The following CREBBP variants were observed in gnomAD, a reference collection of about 807,000 sequenced individuals.
CREBBP encodes the protein CREB-binding protein.
CREBBP carries 19 observed loss-of-function variants against 265.0 expected under a neutral mutation model. The ratio of observed to expected loss-of-function variants is 0.07; its 90% CI spans 0.05 to 0.11. CREBBP has a LOEUF of 0.11. CREBBP is among the 10% of genes least tolerant of loss of function. The pLI, the probability that CREBBP is intolerant of heterozygous loss-of-function variation, is 1.00. For synonymous variants in CREBBP, 1,457 were observed against 1,223.7 expected, an observed-to-expected ratio of 1.19 and a Z score of -3.98; for missense variants, 2,525 against 3,219.0, an observed-to-expected ratio of 0.78 and a Z score of 5.22.
chr16:3,822,566 G>A (rs1318500643), intron 2 of CREBBP, among the ~76,000 whole-genome samples: 1 of 152,144 alleles, frequency 6.6e-6, no homozygotes, highest in Non-Finnish European at 1.5e-5. Context: ...GTGACGTGAG[G>A]CTGCCTGAGG....
chr16:3,816,687 G>A (rs1423591353), intron 2 of CREBBP, among the ~76,000 whole-genome samples: 1 of 152,130 alleles, frequency 6.6e-6, no homozygotes, highest in Non-Finnish European at 1.5e-5. Context: ...AGTACCACAC[G>A]GCTCTAGAGG....
At chr16:3,730,017 C>T (rs961535967) in intron 30 of CREBBP, 143 bp from the exon 31 acceptor site, 65 of 1,398,196 alleles carry the variant, frequency 4.6e-5, no homozygotes, top group African/African-American at 4.3e-5. Context: ...GATGCGAGCA[C>T]GGACAGGTGG....
At chr16:3,810,115 A>C (rs2053907488) in intron 3 of CREBBP, among the ~76,000 whole-genome samples, 1 of 152,136 alleles carries the variant, frequency 6.6e-6, no homozygotes, top group South Asian at 2.1e-4. Context: ...CATCTATAAA[A>C]TCCCTTCAAA....
At chr16:3,856,097 G>C (rs1356826822) in intron 1 of CREBBP, among the ~76,000 whole-genome samples, 1 of 152,060 alleles carries the variant, frequency 6.6e-6, no homozygotes, top group Non-Finnish European at 1.5e-5. Context: ...AAGGAAAAAA[G>C]AAAATATGTA....
intron 21 of CREBBP, among the ~76,000 whole-genome samples, chr16:3,749,085 TG>T (rs2052415723): frequency 6.6e-6 from 1 of 152,184 alleles, no homozygotes; most frequent in Non-Finnish European, 1.5e-5. Context: ...AGGCGGAGCC[TG>T]CAGTGAGCCG....
chr16:3,879,234 G>GCACACGCGCGCACA (rs2055468130), intron 1 of CREBBP, among the ~76,000 whole-genome samples: 1 of 150,720 alleles, frequency 6.6e-6, no homozygotes, highest in African/African-American at 2.4e-5. Context: ...ACACACGCGC[G>GCACACGCGCGCACA]CACACACACA....
intron 16 of CREBBP, among the ~76,000 whole-genome samples, chr16:3,766,770 T>G (rs1317774706): frequency 6.6e-6 from 1 of 152,154 alleles, no homozygotes; most frequent in Non-Finnish European, 1.5e-5. Flanking sequence ...CAAGCAAGCC[T>G]CCCATCTCAG....
Position 3,774,578 on chromosome 16 carries a change from T to C in CREBBP, c.2274A>G (p.Ser758=). The C allele has an allele frequency of 6.2e-7, 1 of 1,614,210 alleles. No individual in the cohort carries two copies. Among genetic ancestry groups the C allele is most frequent in the Non-Finnish European group, 8.5e-7 (1 of 1,180,036 alleles). The change falls in exon 12 of 31, where the codon TCA becomes TCG. Residue 758 remains serine (S), a synonymous_variant. Coordinates refer to ENST00000262367, the MANE Select transcript of CREBBP (RefSeq NM_004380.3). Reference sequence around the variant, plus strand: ...GAAAGAGAACACTTACCCCTGGCACTGAGCCCATGCTGTTCATCTGGACAG... The same window carrying C: ...GAAAGAGAACACTTACCCCTGGCACCGAGCCCATGCTGTTCATCTGGACAG... ...NHSVQMNSMG[S]VPGMAISPSR... is the part of the protein sequence containing the mutation.
intron 1 of CREBBP, 78 bp downstream of exon 1, chr16:3,879,754 C>T (rs2055485722): frequency 2.1e-6 from 3 of 1,457,536 alleles, no homozygotes; most frequent in South Asian, 1.2e-5. Flanking sequence ...TATCCGCGAC[C>T]ACGACCCCCG....
intron 23 of CREBBP, chr16:3,741,807 G>A (rs2052217830): frequency 6.6e-6 from 1 of 152,198 alleles, no homozygotes; most frequent in Non-Finnish European, 1.5e-5. Context: ...CGGGAGCGAT[G>A]GCTCATGCCT....
chr16:3,862,333 A>T (rs1050948559), intron 1 of CREBBP, among the ~76,000 whole-genome samples: 7 of 152,178 alleles, frequency 4.6e-5, no homozygotes, highest in African/African-American at 1.7e-4. Flanking sequence ...TTCAAGGGAA[A>T]AGCTCCAAGA....
chr16:3,730,930 T>C (rs2051896937), intron 30 of CREBBP, among the ~76,000 whole-genome samples: 2 of 152,182 alleles, frequency 1.3e-5, no homozygotes, highest in African/African-American at 4.8e-5. Context: ...AGACTAGAAC[T>C]GGGCACAGAC....
At chr16:3,843,528 C>T (rs1054384048) in intron 2 of CREBBP, among the ~76,000 whole-genome samples, 1 of 151,688 alleles carries the variant, frequency 6.6e-6, no homozygotes, top group African/African-American at 2.4e-5. Flanking sequence ...TCAAGCAATC[C>T]ACCTGCTTCA....
chr16:3,865,801 G>A (rs1438256934), intron 1 of CREBBP, among the ~76,000 whole-genome samples: 1 of 152,066 alleles, frequency 6.6e-6, no homozygotes, highest in Non-Finnish European at 1.5e-5. Context: ...ATCACACCCG[G>A]CTAATTTTTG....
chr16:3,846,464 T>C (rs2054669704), intron 2 of CREBBP, among the ~76,000 whole-genome samples: 1 of 152,216 alleles, frequency 6.6e-6, no homozygotes, highest in Admixed American at 6.5e-5. Context: ...ATAAATTATC[T>C]AGCAGATATG....
chr16:3,833,216 C>T (rs2054377181), intron 2 of CREBBP, among the ~76,000 whole-genome samples: 1 of 152,174 alleles, frequency 6.6e-6, no homozygotes. Context: ...AGTTCGAGAC[C>T]AGCCTGACCA....
At chr16:3,839,350 T>G (rs1381385792) in intron 2 of CREBBP, among the ~76,000 whole-genome samples, 1 of 152,152 alleles carries the variant, frequency 6.6e-6, no homozygotes, top group Admixed American at 6.6e-5. Context: ...CCATTTAATA[T>G]ACATATGCAA....
At chr16:3,806,193 G>A (rs1039082476) in intron 3 of CREBBP, among the ~76,000 whole-genome samples, 1 of 152,100 alleles carries the variant, frequency 6.6e-6, no homozygotes, top group African/African-American at 2.4e-5. Flanking sequence ...TGTCACTGCC[G>A]CAGCTGTGAT....
At chr16:3,769,109 C>T (rs2141189230) in intron 15 of CREBBP, 65 bp downstream of exon 15, 15 of 1,589,144 alleles carry the variant, frequency 9.4e-6, no homozygotes, top group East Asian at 4.5e-5. Flanking sequence ...CTCCAAGCCT[C>T]GCCCGAGGAC....
Sources: gnomAD v4.1 joint callset for allele counts (sites outside exome capture counted in the v4.1 genomes callset) on GRCh38, gnomAD v4.1.1 for gene constraint, MANE v1.5 for transcripts, NCBI Gene and HGNC (gene_info 2026-07-23, HGNC 2026-07-21) for gene names.